Variants in RBM27 observed in about 807,000 individuals in gnomAD.
The protein encoded by RBM27 is RNA binding motif protein 27, also known as RNA-binding protein 27.
Under a neutral mutation model 135.3 loss-of-function variants are expected in RBM27, and 22 were observed. The observed-to-expected ratio is 0.16, with a 90% CI of 0.12 to 0.23. RBM27 has a LOEUF of 0.23. Among genes scored for constraint, RBM27 ranks in the 10% least tolerant of loss-of-function variants. The pLI is 1.00. For synonymous variants in RBM27, 481 were observed against 442.4 expected, an observed-to-expected ratio of 1.09 and a Z score of -1.10; for missense variants, 1,009 against 1,281.0, an observed-to-expected ratio of 0.79 and a Z score of 3.24.
chr5:146,249,696 A>AG (rs1226500026), intron 8 of RBM27, among the ~76,000 whole-genome samples: 20 of 146,772 alleles, frequency 1.4e-4, no homozygotes, highest in Admixed American at 5.8e-4. Flanking sequence ...AAAAAAAAAA[A>AG]AAAAAGAAAA....
In RBM27 at chr5:146,287,847, TC is replaced by T. The variant is rs973242719; in HGVS notation, c.*1818del. 2 of 152,116 alleles carry T rather than the reference TC, an allele frequency of 1.3e-5. No individual in the cohort carries two copies. The highest frequency in any genetic ancestry group is 4.8e-5 in the African/African-American group (2 of 41,434). The allele number at this position is 152,116 out of a possible 1,614,324, so 9.4% of individuals were successfully genotyped here. ...AGAAGGAAAACATCAGAATGGTGTA[TC>T]TAGAATACACAATCTTGCTCCTTAC... On this transcript the variant is annotated 3_prime_UTR_variant, in exon 21 of 21. Coordinates refer to ENST00000265271, the MANE Select transcript of RBM27 (RefSeq NM_018989.2).
intron 1 of RBM27, among the ~76,000 whole-genome samples, chr5:146,209,810 A>T (rs1445971748): frequency 6.6e-6 from 1 of 152,208 alleles, no homozygotes; most frequent in South Asian, 2.1e-4. Flanking sequence ...GGACTTAAGG[A>T]TACCATTCAC....
chr5:146,222,988 T>C (rs1756521143), intron 2 of RBM27, among the ~76,000 whole-genome samples: 6 of 152,194 alleles, frequency 3.9e-5, no homozygotes, highest in Admixed American at 3.9e-4. Context: ...TTTTGTCAGT[T>C]TTTATTTTTT....
chr5:146,213,487 A>G (rs945542239), intron 1 of RBM27, among the ~76,000 whole-genome samples: 1 of 152,102 alleles, frequency 6.6e-6, no homozygotes, highest in African/African-American at 2.4e-5. Context: ...CACATGTATT[A>G]GTTGTTTCAC....
intron 15 of RBM27, among the ~76,000 whole-genome samples, chr5:146,268,346 G>A (rs1447414775): frequency 1.3e-5 from 2 of 151,498 alleles, no homozygotes; most frequent in Non-Finnish European, 2.9e-5. Flanking sequence ...GGGTTCAAGC[G>A]ATTCTCCTGC....
Position 146,261,743 on chromosome 5 carries a change from A to T in RBM27, c.2127A>T (p.Leu709=). 6.2e-7 allele frequency: 1 copy of T among 1,614,168 alleles called. No homozygotes were observed. Among genetic ancestry groups the T allele is most frequent in the Non-Finnish European group, 8.5e-7 (1 of 1,179,966 alleles). Residue 709 remains leucine (L), a synonymous_variant, in exon 13 of 21, where the codon CTA becomes CTT. Coordinates refer to ENST00000265271, the MANE Select transcript of RBM27 (RefSeq NM_018989.2). The part of the protein sequence containing the change: ...SQQHHHLPQH[L]HQQQVLVAQS... ...AGCACCATCACCTGCCACAGCATCTACATCAGCAGCAGGTGCTAGTGGCCC... is the reference window on the plus strand; with the variant it reads ...AGCACCATCACCTGCCACAGCATCTTCATCAGCAGCAGGTGCTAGTGGCCC...
intron 3 of RBM27, among the ~76,000 whole-genome samples, chr5:146,227,658 T>C (rs753046115): frequency 2.6e-5 from 4 of 152,142 alleles, no homozygotes; most frequent in Non-Finnish European, 2.9e-5. Flanking sequence ...AAATTACTGG[T>C]TCTCCAGGAG....
intron 19 of RBM27, among the ~76,000 whole-genome samples, chr5:146,279,653 C>G (rs998946144): frequency 6.6e-6 from 1 of 151,294 alleles, no homozygotes; most frequent in Non-Finnish European, 1.5e-5. Flanking sequence ...ACAAAAAATA[C>G]AAAAATTAGC....
At chr5:146,259,173 G>GA (rs996942445) in intron 11 of RBM27, among the ~76,000 whole-genome samples, 8 of 146,266 alleles carry the variant, frequency 5.5e-5, no homozygotes, top group East Asian at 2.0e-4. Flanking sequence ...AATCAACGGT[G>GA]AAAAAAAAAA....
chr5:146,227,712 G>A (rs150764235), intron 3 of RBM27, among the ~76,000 whole-genome samples: 2 of 152,228 alleles, frequency 1.3e-5, no homozygotes, highest in East Asian at 1.9e-4. Context: ...GCACTCCAAC[G>A]TGGGCGACAG....
chr5:146,258,631 T>C (rs772746518), intron 11 of RBM27, 38 bp downstream of exon 11: 14 of 1,463,504 alleles, frequency 9.6e-6, no homozygotes, highest in Non-Finnish European at 1.3e-5. Flanking sequence ...CTAATTGTTA[T>C]TGTCGTTTGC....
chr5:146,241,010 A>G (rs981275172), intron 8 of RBM27, among the ~76,000 whole-genome samples: 4 of 151,992 alleles, frequency 2.6e-5, no homozygotes, highest in Admixed American at 6.6e-5. Flanking sequence ...TCTTTTATCT[A>G]TTTCCCCCCG....
At position 146,266,895 on chromosome 5, in the gene RBM27, C is replaced by T. The variant is rs139457288; in HGVS notation, c.2332-754C>T. ...AGCAAGCCGTGATTGCACCTCTGCA[C>T]GCTAGCCTGGGTAGCAGAGTGAGAC... On this transcript the variant is annotated intron_variant, in intron 14 of 20. Coordinates refer to ENST00000265271, the MANE Select transcript of RBM27 (RefSeq NM_018989.2). Among the ~76,000 whole-genome samples the T allele has an allele frequency of 2.4e-3, 372 of 152,108 alleles. 1 individual carries two copies. The highest frequency in any genetic ancestry group is 8.3e-3 in the African/African-American group (344 of 41,492).
chr5:146,251,046 A>T (rs1757863779), intron 8 of RBM27, among the ~76,000 whole-genome samples: 1 of 143,374 alleles, frequency 7.0e-6, no homozygotes, highest in Non-Finnish European at 1.6e-5. Context: ...AAGTGCTGGG[A>T]TTACAGGCGT....
chr5:146,283,548 A>C (rs2126922486), intron 19 of RBM27, among the ~76,000 whole-genome samples: 1 of 152,226 alleles, frequency 6.6e-6, no homozygotes, highest in East Asian at 1.9e-4. Context: ...AAAAAGAAAA[A>C]AAAAAGGTAC....
At chr5:146,236,520 A>T (rs1757166879) in intron 7 of RBM27, among the ~76,000 whole-genome samples, 1 of 152,208 alleles carries the variant, frequency 6.6e-6, no homozygotes, top group Non-Finnish European at 1.5e-5. Flanking sequence ...TTAATTGATT[A>T]TACAACTCCC....
chr5:146,241,412 A>G (rs1444263293), intron 8 of RBM27, among the ~76,000 whole-genome samples: 2 of 152,170 alleles, frequency 1.3e-5, no homozygotes, highest in Admixed American at 6.5e-5. Context: ...TTTGAAGTCC[A>G]TTTTTCTGTT....
At chr5:146,243,277 A>G (rs762536081) in intron 8 of RBM27, among the ~76,000 whole-genome samples, 6 of 152,114 alleles carry the variant, frequency 3.9e-5, no homozygotes, top group Admixed American at 1.3e-4. Context: ...AAAAAAATAA[A>G]TAAAATAAAG....
chr5:146,269,293 G>A lies in RBM27; in HGVS notation c.2526+12G>A, dbSNP rs745697602. 2.5e-5 allele frequency: 40 copies of A among 1,587,296 alleles called. No individual in the cohort carries two copies. In the South Asian group the frequency reaches 4.4e-4, roughly 18 times the overall value. On this transcript the variant is annotated intron_variant, in intron 16 of 20. Coordinates refer to ENST00000265271, the MANE Select transcript of RBM27 (RefSeq NM_018989.2). ...TAGAATGCCAAAAGGTAAGACAAGAGCTCATTATTTGCATGCTAGAATTGA... is the reference window on the plus strand; with the variant it reads ...TAGAATGCCAAAAGGTAAGACAAGAACTCATTATTTGCATGCTAGAATTGA...
Sources: gnomAD v4.1 joint callset for allele counts (sites outside exome capture counted in the v4.1 genomes callset) on GRCh38, gnomAD v4.1.1 for gene constraint, MANE v1.5 for transcripts, NCBI Gene and HGNC (gene_info 2026-07-23, HGNC 2026-07-21) for gene names.